HOXB2: variants seen among roughly 807,000 people sequenced by gnomAD.
HOXB2 encodes the protein homeobox B2, also known as homeobox protein Hox-B2.
In HOXB2, 14 loss-of-function variants were observed where a neutral mutation model predicts 13.1. That is an observed-to-expected ratio of 1.07 (90% CI 0.71 to 1.67). The LOEUF is 1.67. Ranked by LOEUF, HOXB2 falls within the 40% of genes most tolerant of loss-of-function variation. The pLI is 0.00. For missense variants in HOXB2, 582 were observed against 488.3 expected (o/e 1.19, Z -1.81); for synonymous variants, 261 against 233.1 (o/e 1.12, Z -1.09).
chr17:48,544,866 GC>G lies in HOXB2; in HGVS notation c.45del (p.Gln15HisfsTer8), dbSNP rs2068553272. The G allele has an allele frequency of 1.2e-6, 2 of 1,612,646 alleles. No homozygotes were observed. The highest frequency in any genetic ancestry group is 1.7e-6 in the Non-Finnish European group (2 of 1,179,780). ...FEREIGFINS[Q>X]PSLAECLTSF... The stretch of plus-strand genomic sequence containing the variant: ...GAAGTCAGACACTCGGCGAGCGACG[GC>G]TGGCTGTTTATAAACCCAATCTCCC... On this transcript the variant is annotated frameshift_variant, in exon 1 of 2. Transcript: ENST00000330070. LOFTEE classifies it high-confidence loss of function.
In HOXB2 at chr17:48,544,940, T is replaced by TGGGGGGGGGCGGGGGCGGCG; in HGVS notation, c.-30_-29insCGCCGCCCCCGCCCCCCCCC. 2 of 271,680 alleles carry TGGGGGGGGGCGGGGGCGGCG rather than the reference T, an allele frequency of 7.4e-6. No homozygotes were observed. Among genetic ancestry groups the TGGGGGGGGGCGGGGGCGGCG allele is most frequent in the East Asian group, 6.3e-5 (1 of 15,968 alleles). 16.8% of individuals were successfully genotyped at this position (271,680 alleles called of 1,614,324 possible). On this transcript the variant is annotated 5_prime_UTR_variant, in exon 1 of 2. Coordinates refer to ENST00000330070, the MANE Select transcript of HOXB2 (RefSeq NM_002145.4). Reference sequence around the variant, plus strand: ...TTTCAATGGTGGGGGAGGGGGCTGCTGGGGGGGGCGTCAGGAGGGAGGATC... The same window carrying TGGGGGGGGGCGGGGGCGGCG: ...TTTCAATGGTGGGGGAGGGGGCTGCTGGGGGGGGGCGGGGGCGGCGGGGGGGGGCGTCAGGAGGGAGGATC...
At position 48,543,371 on chromosome 17, in the gene HOXB2, T is replaced by C; in HGVS notation, c.768A>G (p.Leu256=). Reference sequence around the variant, plus strand: ...CGGCTAAAGGCCGGGGGTCCGCGCTTAAGGCCCCCGGCACCACCTCCGGCG... The same window carrying C: ...CGGCTAAAGGCCGGGGGTCCGCGCTCAAGGCCCCCGGCACCACCTCCGGCG... ...CHPPEVVPGA[L]SADPRPLAVR... is the part of the protein sequence containing the mutation. The change falls in exon 2 of 2, where the codon TTA becomes TTG. Residue 256 remains leucine, a synonymous_variant. Transcript: ENST00000330070. 1.9e-6 allele frequency: 3 copies of C among 1,590,270 alleles called. No individual in the cohort carries two copies. The highest frequency in any genetic ancestry group is 2.6e-6 in the Non-Finnish European group (3 of 1,172,052).
chr17:48,544,274 G>T (rs2068542378), intron 1 of HOXB2: 17 of 1,366,520 alleles, frequency 1.2e-5, no homozygotes, highest in Non-Finnish European at 1.6e-5. Context: ...CAGAAAAAAA[G>T]GCGTTTCCCC....
Position 48,543,361 on chromosome 17 carries a change from G to C in HOXB2, c.778C>G (p.Pro260Ala), listed in dbSNP as rs757888775. Reference sequence around the variant, plus strand: ...TCTAAGCGAACGGCTAAAGGCCGGGGGTCCGCGCTTAAGGCCCCCGGCACC... The same window carrying C: ...TCTAAGCGAACGGCTAAAGGCCGGGCGTCCGCGCTTAAGGCCCCCGGCACC... ...EVVPGALSAD[P>A]RPLAVRLEGA... Residue 260 changes from proline (P) to alanine (A), a missense_variant, in exon 2 of 2, where the codon CCC (proline) becomes GCC (alanine). Physicochemically the swap from Pro to Ala is conservative, Grantham distance 27. Transcript: ENST00000330070. 6.3e-7 allele frequency: 1 copy of C among 1,593,512 alleles called. No individual in the cohort carries two copies. Among genetic ancestry groups the C allele is most frequent in the Non-Finnish European group, 8.5e-7 (1 of 1,173,938 alleles).
rs2068512381 is a variant in HOXB2, at chr17:48,542,848, G to C, written c.*220C>G. ...ATTATTCCTGAGATTTCATTGGAAG[G>C]AGTCTACCAAACGGAATTTTTCTGT... On this transcript the variant is annotated 3_prime_UTR_variant, in exon 2 of 2. Coordinates refer to ENST00000330070, the MANE Select transcript of HOXB2 (RefSeq NM_002145.4). The C allele has an allele frequency of 2.5e-6, 1 of 401,200 alleles. No individual in the cohort carries two copies. The allele number at this position is 401,200 out of a possible 1,614,324, so 24.9% of individuals were successfully genotyped here.
chr17:48,543,242 CTG>C lies in HOXB2; in HGVS notation c.895_896del (p.Gln299GlyfsTer26), dbSNP rs2068519774. On this transcript the variant is annotated frameshift_variant, in exon 2 of 2. Coordinates refer to ENST00000330070, the MANE Select transcript of HOXB2 (RefSeq NM_002145.4). LOFTEE classifies it high-confidence loss of function. Reference protein sequence around the residue: ...PLPEDVFSGRQDSPFLPDLNF... With the variant: ...PLPEDVFSGRXDSPFLPDLNF... ...TGAGGTCGGGAAGGAAAGGTGAATC[CTG>C]GCGCCCCGAGAAGACGTCTTCTGGC... 1 of 1,612,160 alleles carries C rather than the reference CTG, an allele frequency of 6.2e-7. No individual in the cohort carries two copies. The highest frequency in any genetic ancestry group is 8.5e-7 in the Non-Finnish European group (1 of 1,179,976).
In HOXB2 at chr17:48,543,165, C is replaced by T. The variant is rs764024678; in HGVS notation, c.974G>A (p.Ser325Asn). The T allele has an allele frequency of 1.2e-6, 2 of 1,613,976 alleles. No individual in the cohort carries two copies. Among genetic ancestry groups the T allele is most frequent in the African/African-American group, 1.3e-5 (1 of 75,032 alleles). The stretch of plus-strand genomic sequence containing the variant: ...CGGGCTGTCGAGAGAACCCTGTAGG[C>T]TAGGGGAGAGGCCTCCGGATAGCTG... ...CLQLSGGLSP[S>N]LQGSLDSPVP... The change falls in exon 2 of 2, where the codon AGC becomes AAC. Residue 325 changes from serine (S) to asparagine (N), a missense_variant. Transcript: ENST00000330070.
rs771591545 is a variant in HOXB2, at chr17:48,543,349, C to CT, written c.789dup (p.Ala264SerfsTer62). The CT allele has an allele frequency of 6.3e-7, 1 of 1,597,126 alleles. No individual in the cohort carries two copies. The highest frequency in any genetic ancestry group is 8.5e-7 in the Non-Finnish European group (1 of 1,175,682). On this transcript the variant is annotated frameshift_variant, in exon 2 of 2. Coordinates refer to ENST00000330070, the MANE Select transcript of HOXB2 (RefSeq NM_002145.4). LOFTEE classifies it low-confidence loss of function (END_TRUNC). Reference sequence around the variant, plus strand: ...GCGCCTGCGCCCTCTAAGCGAACGGCTAAAGGCCGGGGGTCCGCGCTTAAG... The same window carrying CT: ...GCGCCTGCGCCCTCTAAGCGAACGGCTTAAAGGCCGGGGGTCCGCGCTTAAG...
At chr17:48,544,228 AC>A in intron 1 of HOXB2, 2 of 1,340,968 alleles carry the variant, frequency 1.5e-6, no homozygotes, top group Non-Finnish European at 9.5e-7. Flanking sequence ...CTACACAGAT[AC>A]GGGTGAAAAC....
intron 1 of HOXB2, chr17:48,544,095 G>T (rs1380199102): frequency 5.1e-6 from 5 of 985,324 alleles, no homozygotes; most frequent in South Asian, 9.4e-5. Flanking sequence ...GGGTCAGAAA[G>T]ATTGTTCTTC....
chr17:48,544,904 A>T lies in HOXB2; in HGVS notation c.8T>A (p.Phe3Tyr). Residue 3 changes from phenylalanine to tyrosine, a missense_variant, in exon 1 of 2, where the codon TTT becomes TAT. Physicochemically the swap from Phe to Tyr is conservative, Grantham distance 22. Coordinates refer to ENST00000330070, the MANE Select transcript of HOXB2 (RefSeq NM_002145.4). ...AAACCCAATCTCCCTCTCAAATTCA[A>T]AATTCATGGCTTTCAATGGTGGGGG... is the stretch of plus-strand genomic sequence containing the variant. Reference protein sequence around the residue: MNFEFEREIGFIN... With the variant: MNYEFEREIGFIN... 1 of 1,593,068 alleles carries T rather than the reference A, an allele frequency of 6.3e-7. No homozygotes were observed. The highest frequency in any genetic ancestry group is 8.6e-7 in the Non-Finnish European group (1 of 1,166,942).
In HOXB2 at chr17:48,543,405, C is replaced by A; in HGVS notation, c.734G>T (p.Cys245Phe). ...CGGCACCACCTCCGGCGGGTGACAG[C>A]AGGCTTCCCACGCCGCCCGCGAGGC... ...PSASRAAWEACCHPPEVVPGA... is the reference protein window; with the variant it reads ...PSASRAAWEAFCHPPEVVPGA... Residue 245 changes from cysteine (C) to phenylalanine (F), a missense_variant, in exon 2 of 2, where the codon TGC (cysteine) becomes TTC (phenylalanine). Coordinates refer to ENST00000330070, the MANE Select transcript of HOXB2 (RefSeq NM_002145.4). 5.7e-6 allele frequency: 9 copies of A among 1,583,242 alleles called. No homozygotes were observed. Among genetic ancestry groups the A allele is most frequent in the Non-Finnish European group, 7.7e-6 (9 of 1,167,968 alleles).
rs898753583 is a variant in HOXB2, at chr17:48,544,772, G to C, written c.140C>G (p.Pro47Arg). Reference protein sequence around the residue: ...IKESTLIPPPPPFEQTFPSLQ... With the variant: ...IKESTLIPPPRPFEQTFPSLQ... ...GCTGGGGAAGGTTTGCTCGAAAGGA[G>C]GAGGAGGAGGAATTAATGTCGACTC... is the stretch of plus-strand genomic sequence containing the variant. Residue 47 changes from proline to arginine, a missense_variant, in exon 1 of 2, where the codon CCT becomes CGT. By Grantham distance (103) the Pro-to-Arg change is moderately radical (BLOSUM62 -2). Transcript: ENST00000330070. The C allele has an allele frequency of 1.2e-6, 2 of 1,614,138 alleles. No individual in the cohort carries two copies. The highest frequency in any genetic ancestry group is 1.7e-6 in the Non-Finnish European group (2 of 1,179,986).
chr17:48,543,831 G>A (rs1338303462), intron 1 of HOXB2, 84 bp from the exon 2 acceptor site: 1 of 1,446,486 alleles, frequency 6.9e-7, no homozygotes, highest in East Asian at 2.4e-5. Context: ...TCCAAAACCA[G>A]TATCACCTCT....
chr17:48,543,851 C>A, intron 1 of HOXB2, 104 bp from the exon 2 acceptor site: 1 of 1,302,726 alleles, frequency 7.7e-7, no homozygotes, highest in Non-Finnish European at 1.0e-6. Flanking sequence ...TCCCCTTCCT[C>A]GCCACCCCAC....
Position 48,544,764 on chromosome 17 carries a change from C to G in HOXB2, c.148G>C (p.Glu50Gln). Residue 50 changes from glutamate to glutamine, a missense_variant, in exon 1 of 2, where the codon GAG (glutamate) becomes CAG (glutamine). Coordinates refer to ENST00000330070, the MANE Select transcript of HOXB2 (RefSeq NM_002145.4). ...GGCTGGAGGCTGGGGAAGGTTTGCT[C>G]GAAAGGAGGAGGAGGAGGAATTAAT... Reference protein sequence around the residue: ...STLIPPPPPFEQTFPSLQPGA... With the variant: ...STLIPPPPPFQQTFPSLQPGA... 1 of 1,613,846 alleles carries G rather than the reference C, an allele frequency of 6.2e-7. No individual in the cohort carries two copies.
Position 48,543,179 on chromosome 17 carries a change from T to C in HOXB2, c.960A>G (p.Gly320=). Residue 320 remains glycine, a synonymous_variant, in exon 2 of 2, where the codon GGA becomes GGG. Transcript: ENST00000330070. The part of the protein sequence containing the change: ...FAADSCLQLS[G]GLSPSLQGSL... ...AACCCTGTAGGCTAGGGGAGAGGCC[T>C]CCGGATAGCTGGAGACAGGAGTCGG... 1 of 1,613,678 alleles carries C rather than the reference T, an allele frequency of 6.2e-7. No homozygotes were observed. Among genetic ancestry groups the C allele is most frequent in the Non-Finnish European group, 8.5e-7 (1 of 1,179,960 alleles).
At position 48,542,873 on chromosome 17, in the gene HOXB2, T is replaced by G; in HGVS notation, c.*195A>C. ...GAGTCTACCAAACGGAATTTTTCTG[T>G]GTGAATTTTAAAAGATAACCGAGTG... On this transcript the variant is annotated 3_prime_UTR_variant, in exon 2 of 2. Transcript: ENST00000330070. 2.4e-6 allele frequency: 1 copy of G among 422,972 alleles called. No individual in the cohort carries two copies. The highest frequency in any genetic ancestry group is 2.0e-5 in the African/African-American group (1 of 48,942). The allele number at this position is 422,972 out of a possible 1,614,324, so 26.2% of individuals were successfully genotyped here.
chr17:48,545,097 G>C lies in HOXB2; in HGVS notation c.-186C>G. 1 of 528,550 alleles carries C rather than the reference G, an allele frequency of 1.9e-6. No homozygotes were observed. The highest frequency in any genetic ancestry group is 2.0e-5 in the African/African-American group (1 of 51,106). The allele number at this position is 528,550 out of a possible 1,614,324, so 32.7% of individuals were successfully genotyped here. A position where few individuals can be genotyped will look rare whatever the true frequency, so the allele number is the denominator to read the frequency against. ...ATATTGCTGATAAATACAAGCGTATGGGGACTCTCTCTATTAAACCCAGGA... is the reference window on the plus strand; with the variant it reads ...ATATTGCTGATAAATACAAGCGTATCGGGACTCTCTCTATTAAACCCAGGA... On this transcript the variant is annotated 5_prime_UTR_variant, in exon 1 of 2. Transcript: ENST00000330070.
Sources: allele counts gnomAD v4.1 joint callset, GRCh38; gene constraint gnomAD v4.1.1; transcripts MANE v1.5; gene names NCBI Gene and HGNC (gene_info 2026-07-23, HGNC 2026-07-21).